CCSER1: variants seen among roughly 807,000 people sequenced by gnomAD.
CCSER1 encodes the protein coiled-coil serine rich protein 1.
In CCSER1, 41 loss-of-function variants were observed where a neutral mutation model predicts 82.0. The ratio of observed to expected loss-of-function variants is 0.50; its 90% confidence interval spans 0.39 to 0.65. The LOEUF is 0.65. Ranked by LOEUF, CCSER1 falls within the 30% of genes least tolerant of loss-of-function variation. The pLI is 0.00. For missense variants in CCSER1, 1,119 were observed against 1,064.2 expected (o/e 1.05, Z -0.72); for synonymous variants, 414 against 383.9 (o/e 1.08, Z -0.92).
intron 10 of CCSER1, among the ~76,000 whole-genome samples, chr4:91,198,738 A>C (rs1735659537): frequency 6.6e-6 from 1 of 152,188 alleles, no homozygotes; most frequent in African/African-American, 2.4e-5. Flanking sequence ...AATTAGCCCC[A>C]GATATAAAAT....
Position 91,562,403 on chromosome 4 carries a change from T to C in CCSER1, c.2218-36169T>C, listed in dbSNP as rs184896397. Among the ~76,000 whole-genome samples the C allele has an allele frequency of 6.5e-4, 99 of 151,692 alleles. 2 individuals are homozygous for C. The highest frequency in any genetic ancestry group is 5.7e-3 in the Admixed American group (86 of 15,170). On this transcript the variant is annotated intron_variant, in intron 10 of 10. Coordinates refer to ENST00000509176, the MANE Select transcript of CCSER1 (RefSeq NM_001145065.2). The stretch of plus-strand genomic sequence containing the variant: ...TTTCTATAGTCTGTACTAAGTATCA[T>C]TGTTTTCAGAATATTCTCCTTCAAG...
chr4:90,421,357 A>C (rs988015845), intron 4 of CCSER1, among the ~76,000 whole-genome samples: 5 of 152,198 alleles, frequency 3.3e-5, no homozygotes, highest in Non-Finnish European at 5.9e-5. Context: ...CTGTACCCTT[A>C]CATCATAACG....
At chr4:90,757,349 G>C (rs1749699226) in intron 7 of CCSER1, among the ~76,000 whole-genome samples, 1 of 152,228 alleles carries the variant, frequency 6.6e-6, no homozygotes, top group Non-Finnish European at 1.5e-5. Flanking sequence ...GGTTAAAGCA[G>C]ATGGAACTCC....
At chr4:90,352,684 GTA>G (rs1743696521) in intron 3 of CCSER1, among the ~76,000 whole-genome samples, 1 of 150,376 alleles carries the variant, frequency 6.6e-6, no homozygotes, top group African/African-American at 2.5e-5. Context: ...AAACATATAT[GTA>G]TATATACACA....
intron 1 of CCSER1, among the ~76,000 whole-genome samples, chr4:90,223,545 G>T (rs1742571781): frequency 6.6e-6 from 1 of 152,176 alleles, no homozygotes; most frequent in East Asian, 1.9e-4. Flanking sequence ...TCATTGGAGT[G>T]TAATATGGAC....
At chr4:90,909,810 TGAAACTTTG>T (rs1482529185) in intron 8 of CCSER1, among the ~76,000 whole-genome samples, 1 of 152,172 alleles carries the variant, frequency 6.6e-6, no homozygotes, top group Non-Finnish European at 1.5e-5. Context: ...CCATTATTAG[TGAAACTTTG>T]CCAGTGTTTA....
chr4:91,112,528 A>G (rs1439583698), intron 10 of CCSER1: 1 of 152,054 alleles, frequency 6.6e-6, no homozygotes, highest in African/African-American at 2.4e-5. Flanking sequence ...CTTTCTGCTT[A>G]GTTTTCTATT....
At chr4:90,291,759 A>C (rs974412165) in intron 1 of CCSER1, among the ~76,000 whole-genome samples, 8 of 151,986 alleles carry the variant, frequency 5.3e-5, no homozygotes, top group African/African-American at 1.9e-4. Flanking sequence ...ATATGCTTTA[A>C]TATATTTAGT....
chr4:90,775,636 A>T (rs1373786435), intron 7 of CCSER1, among the ~76,000 whole-genome samples: 1 of 152,200 alleles, frequency 6.6e-6, no homozygotes, highest in African/African-American at 2.4e-5. Flanking sequence ...AGATTTCACA[A>T]TTAATGCAGA....
At chr4:91,478,424 T>G (rs1757711929) in intron 10 of CCSER1, among the ~76,000 whole-genome samples, 1 of 151,918 alleles carries the variant, frequency 6.6e-6, no homozygotes, top group Admixed American at 6.6e-5. Flanking sequence ...TTGTTTAAAA[T>G]ATAATTACGT....
chr4:91,526,680 C>T (rs1760781542), intron 10 of CCSER1, among the ~76,000 whole-genome samples: 1 of 152,140 alleles, frequency 6.6e-6, no homozygotes, highest in Non-Finnish European at 1.5e-5. Context: ...TCTTGGCTCA[C>T]TGCAACCTCT....
chr4:90,321,652 C>T (rs1398716883), intron 3 of CCSER1, among the ~76,000 whole-genome samples: 1 of 152,126 alleles, frequency 6.6e-6, no homozygotes, highest in East Asian at 1.9e-4. Context: ...GTTCTCCATA[C>T]TGGTTGTTCT....
At chr4:91,104,987 G>T (rs1226742754) in intron 10 of CCSER1, among the ~76,000 whole-genome samples, 8 of 152,026 alleles carry the variant, frequency 5.3e-5, no homozygotes, top group Non-Finnish European at 1.0e-4. Context: ...GGCTTTTAGG[G>T]TATCCTTCAC....
chr4:90,427,390 A>T (rs1757670567), intron 4 of CCSER1, among the ~76,000 whole-genome samples: 1 of 151,844 alleles, frequency 6.6e-6, no homozygotes, highest in Non-Finnish European at 1.5e-5. Context: ...GGCAAATAAC[A>T]GAATATAAAA....
intron 10 of CCSER1, among the ~76,000 whole-genome samples, chr4:91,257,162 A>G (rs1740755755): frequency 6.6e-6 from 1 of 152,192 alleles, no homozygotes; most frequent in Non-Finnish European, 1.5e-5. Flanking sequence ...TAGTAAAAAC[A>G]TAGAATAAGA....
At chr4:91,054,065 G>C (rs978859516) in intron 9 of CCSER1, among the ~76,000 whole-genome samples, 8 of 152,180 alleles carry the variant, frequency 5.3e-5, no homozygotes, top group African/African-American at 1.9e-4. Context: ...GGTATCACTG[G>C]GTTATAGGGG....
intron 6 of CCSER1, among the ~76,000 whole-genome samples, chr4:90,674,963 T>C (rs1733555445): frequency 6.6e-6 from 1 of 151,986 alleles, no homozygotes; most frequent in Non-Finnish European, 1.5e-5. Flanking sequence ...TATTTTTCAG[T>C]GGGTGATTCA....
intron 1 of CCSER1, chr4:90,234,929 A>G (rs1192943402): frequency 2.6e-5 from 4 of 151,758 alleles, no homozygotes; most frequent in African/African-American, 4.8e-5. Context: ...CTATTTTCCT[A>G]CTTCCTTTGC....
At chr4:91,143,913 C>T (rs1206829763) in intron 10 of CCSER1, among the ~76,000 whole-genome samples, 2 of 151,950 alleles carry the variant, frequency 1.3e-5, no homozygotes, top group Non-Finnish European at 2.9e-5. Context: ...CTATGTTCAT[C>T]AGGGATATTA....
Sources: gnomAD v4.1 joint callset for allele counts (sites outside exome capture counted in the v4.1 genomes callset) on GRCh38, gnomAD v4.1.1 for gene constraint, MANE v1.5 for transcripts, NCBI Gene and HGNC (gene_info 2026-07-23, HGNC 2026-07-21) for gene names.